CDYL: variants seen among roughly 807,000 people sequenced by gnomAD.
CDYL encodes chromodomain Y-like protein.
CDYL carries 8 observed loss-of-function variants against 47.3 expected under a neutral mutation model. That is an observed-to-expected ratio of 0.17 (90% CI 0.10 to 0.31). The LOEUF (loss-of-function observed/expected upper bound fraction) is 0.31, where lower values mean the gene tolerates loss of function less well. CDYL is among the 10% of genes least tolerant of loss of function. CDYL has a pLI of 1.00. For synonymous variants in CDYL, 266 were observed against 265.0 expected (o/e 1.00, Z -0.04); for missense variants, 471 against 701.4 (o/e 0.67, Z 3.71).
At chr6:4,799,992 T>G (rs1759180338) in intron 1 of CDYL, among the ~76,000 whole-genome samples, 1 of 152,340 alleles carries the variant, frequency 6.6e-6, no homozygotes, top group South Asian at 2.1e-4. Context: ...GTATCCATTC[T>G]AGCTTTGGTA....
intron 1 of CDYL, among the ~76,000 whole-genome samples, chr6:4,814,635 C>T (rs981817484): frequency 2.0e-5 from 3 of 152,126 alleles, no homozygotes; most frequent in African/African-American, 2.4e-5. Context: ...AAGCAATTCT[C>T]GTGCCCCAGC....
chr6:4,910,449 A>G (rs1417218240), intron 2 of CDYL, among the ~76,000 whole-genome samples: 1 of 152,228 alleles, frequency 6.6e-6, no homozygotes, highest in African/African-American at 2.4e-5. Flanking sequence ...CAATTTATTA[A>G]GCACACTGCA....
intron 2 of CDYL, among the ~76,000 whole-genome samples, chr6:4,932,456 A>G (rs951284318): frequency 8.6e-5 from 13 of 150,520 alleles, no homozygotes; most frequent in Non-Finnish European, 1.3e-4. Flanking sequence ...TCCTCAGACC[A>G]TCACCTTGTG....
At chr6:4,938,040 A>C (rs952388394) in intron 4 of CDYL, among the ~76,000 whole-genome samples, 2 of 152,218 alleles carry the variant, frequency 1.3e-5, no homozygotes, top group African/African-American at 4.8e-5. Context: ...TGATGATTAG[A>C]GTAGATGATC....
chr6:4,883,319 G>A (rs921094571), intron 1 of CDYL, among the ~76,000 whole-genome samples: 1 of 152,130 alleles, frequency 6.6e-6, no homozygotes, highest in African/African-American at 2.4e-5. Flanking sequence ...AAAAGCCCTG[G>A]TGTGGTTCTC....
chr6:4,734,237 C>T (rs3898941), intron 2 of CDYL, among the ~76,000 whole-genome samples: 32,374 of 135,986 alleles, frequency 0.24, 3,601 homozygotes, highest in Admixed American at 0.28. Flanking sequence ...TCCTGACAGT[C>T]AAACTCTCTC....
Position 4,718,849 on chromosome 6 carries a change from G to C in CDYL, c.103+2968G>C, listed in dbSNP as rs569554529. On this transcript the variant is annotated intron_variant, in intron 2 of 8. Transcript: ENST00000328908. The stretch of plus-strand genomic sequence containing the variant: ...ACATTATCATTTTAGATTCCTGCAG[G>C]ATATTCCAGTTTATTGATAGGCATT... Among the ~76,000 whole-genome samples, 6 of 150,818 alleles carry C rather than the reference G, an allele frequency of 4.0e-5. No homozygotes were observed. The East Asian group carries it at 1.2e-3, about 29-fold the overall frequency.
intron 2 of CDYL, chr6:4,928,864 A>G (rs1757954081): frequency 6.6e-6 from 1 of 152,150 alleles, no homozygotes; most frequent in Non-Finnish European, 1.5e-5. Context: ...ATATTTGTAT[A>G]GTATGTACAA....
At chr6:4,773,096 A>G (rs6908435), upstream of CDYL, 4 of 457,094 alleles carry the variant, frequency 8.8e-6, no homozygotes, top group East Asian at 7.0e-5. This position sits in a 1 kb window ranked among gnomAD's most constrained non-coding sequence, Gnocchi z 4.6. Context: ...TCGTCGGTAG[A>G]ACTTGCCATC....
chr6:4,778,798 A>G (rs1758536802), intron 1 of CDYL, among the ~76,000 whole-genome samples: 2 of 152,352 alleles, frequency 1.3e-5, no homozygotes, highest in South Asian at 4.1e-4. Context: ...TGTAGGCAAC[A>G]CTGTGACTAT....
chr6:4,944,265 G>A (rs2127525290), intron 5 of CDYL, among the ~76,000 whole-genome samples: 1 of 152,348 alleles, frequency 6.6e-6, no homozygotes, highest in East Asian at 1.9e-4. Context: ...AGGGCAGGAG[G>A]TGGTGTCACA....
At chr6:4,845,481 C>A (rs535008756) in intron 1 of CDYL, among the ~76,000 whole-genome samples, 2 of 152,262 alleles carry the variant, frequency 1.3e-5, no homozygotes, top group South Asian at 4.1e-4. Flanking sequence ...GTATTAAAAT[C>A]AGAATAACAA....
intron 2 of CDYL, among the ~76,000 whole-genome samples, chr6:4,909,972 A>G (rs1195626659): frequency 6.6e-6 from 1 of 151,030 alleles, no homozygotes; most frequent in Non-Finnish European, 1.5e-5. Flanking sequence ...ACTTTCTGGA[A>G]TTGGCCAATT....
chr6:4,902,331 G>T (rs1469623076), intron 2 of CDYL, among the ~76,000 whole-genome samples: 3 of 151,676 alleles, frequency 2.0e-5, no homozygotes, highest in East Asian at 3.9e-4. Flanking sequence ...GCTTGAACCC[G>T]GGAGGCAGAG....
At chr6:4,777,439 G>A (rs1561845829) in intron 1 of CDYL, among the ~76,000 whole-genome samples, 1 of 152,166 alleles carries the variant, frequency 6.6e-6, no homozygotes, top group East Asian at 1.9e-4. Context: ...AGCCAGAACT[G>A]TAAGTTCTGG....
chr6:4,936,908 A>G (rs1758210421), intron 3 of CDYL, among the ~76,000 whole-genome samples: 1 of 152,094 alleles, frequency 6.6e-6, no homozygotes, highest in Non-Finnish European at 1.5e-5. Context: ...TTTTAATTAT[A>G]CTCGAGTTAT....
chr6:4,942,160 A>G (rs907316948), intron 4 of CDYL, among the ~76,000 whole-genome samples: 9 of 152,206 alleles, frequency 5.9e-5, no homozygotes, highest in African/African-American at 1.2e-4. Flanking sequence ...TCATTTAGAA[A>G]GACTTAGTGC....
chr6:4,884,685 G>C (rs1761854872), intron 1 of CDYL, among the ~76,000 whole-genome samples: 1 of 152,216 alleles, frequency 6.6e-6, no homozygotes. Flanking sequence ...CTGCGCTGTA[G>C]GATAAAGATG....
At chr6:4,821,514 A>G (rs1011940650) in intron 1 of CDYL, among the ~76,000 whole-genome samples, 7 of 151,992 alleles carry the variant, frequency 4.6e-5, no homozygotes, top group Admixed American at 3.9e-4. Flanking sequence ...CGGGCGGATC[A>G]CTTGAGCTCA....
Sources: gnomAD v4.1 joint callset for allele counts (sites outside exome capture counted in the v4.1 genomes callset) on GRCh38, gnomAD v4.1.1 for gene constraint, Gnocchi (gnomAD v3.1) non-coding constraint, MANE v1.5 for transcripts, NCBI Gene and HGNC (gene_info 2026-07-23, HGNC 2026-07-21) for gene names.